Variants in TOX observed in about 807,000 individuals in gnomAD.
TOX encodes thymocyte selection-associated high mobility group box protein TOX.
Under a neutral mutation model 53.7 loss-of-function variants are expected in TOX, and 11 were observed. The ratio of observed to expected loss-of-function variants is 0.20; its 90% CI spans 0.13 to 0.34. The LOEUF is 0.34. TOX is among the 10% of genes least tolerant of loss of function. TOX has a pLI of 1.00. For missense variants in TOX, 570 were observed against 664.6 expected, an observed-to-expected ratio of 0.86 and a Z score of 1.56; for synonymous variants, 225 against 245.3, an observed-to-expected ratio of 0.92 and a Z score of 0.77.
chr8:58,809,226 C>T (rs1810038486), intron 7 of TOX, among the ~76,000 whole-genome samples: 1 of 152,170 alleles, frequency 6.6e-6, no homozygotes, highest in South Asian at 2.1e-4. Flanking sequence ...TGATTTTTAA[C>T]CACTAAGAAA....
At chr8:58,903,565 G>A (rs138401166) in intron 3 of TOX, among the ~76,000 whole-genome samples, 1 of 152,284 alleles carries the variant, frequency 6.6e-6, no homozygotes, top group African/African-American at 2.4e-5. Flanking sequence ...ACTCAGTTGG[G>A]TGTTCCATCA....
chr8:58,866,349 GGATAAATTA>G (rs1811101602), intron 3 of TOX, among the ~76,000 whole-genome samples: 1 of 152,108 alleles, frequency 6.6e-6, no homozygotes. Context: ...ACACTAAAAA[GGATAAATTA>G]TTTTAGGATT....
At chr8:58,884,236 C>A (rs772865261) in intron 3 of TOX, among the ~76,000 whole-genome samples, 1 of 152,128 alleles carries the variant, frequency 6.6e-6, no homozygotes, top group Admixed American at 6.5e-5. Context: ...AAGCTGACAA[C>A]AATCCCTGGC....
At chr8:59,057,614 G>A (rs753812065) in intron 1 of TOX, among the ~76,000 whole-genome samples, 17 of 152,006 alleles carry the variant, frequency 1.1e-4, no homozygotes, top group South Asian at 2.1e-4. Flanking sequence ...TATTCTCTCC[G>A]CCCCCCGCCT....
At chr8:58,826,617 GAA>G (rs1810371696) in intron 6 of TOX, among the ~76,000 whole-genome samples, 1 of 152,208 alleles carries the variant, frequency 6.6e-6, no homozygotes, top group Non-Finnish European at 1.5e-5. Flanking sequence ...CAATATTTTA[GAA>G]ATGGCCCAGG....
chr8:59,096,407 A>G (rs1037738818), intron 1 of TOX, among the ~76,000 whole-genome samples: 4 of 152,210 alleles, frequency 2.6e-5, no homozygotes, highest in Admixed American at 6.5e-5. Context: ...CAGACAGTGC[A>G]TACCTCCAAA....
At position 59,107,052 on chromosome 8, in the gene TOX, G is replaced by T. The variant is rs75539497; in HGVS notation, c.102+11834C>A. ...ATCTTATAAAGCAGTTTGCTGGGGG[G>T]GGGGGGAACGTGACATTTCTAATTC... On this transcript the variant is annotated intron_variant, in intron 1 of 8. Transcript: ENST00000361421. Among the ~76,000 whole-genome samples, 7 of 133,936 alleles carry T rather than the reference G, an allele frequency of 5.2e-5. 1 individual carries two copies. The highest frequency in any genetic ancestry group is 2.6e-4 in the South Asian group (1 of 3,912). The allele number at this position is 133,936 out of a possible 152,430, so 87.9% of individuals were successfully genotyped here.
At chr8:59,094,139 T>C (rs544972256) in intron 1 of TOX, among the ~76,000 whole-genome samples, 1 of 152,184 alleles carries the variant, frequency 6.6e-6, no homozygotes, top group Non-Finnish European at 1.5e-5. Context: ...AGTATCAGTA[T>C]CTTTAATAAG....
Position 59,119,013 on chromosome 8 carries a change from T to G in TOX, c.-26A>C. ...TTCACTCTCACATCAAGCAACTCCT[T>G]TTCTTTTTCCTTTTTTAAAAAAAAG... On this transcript the variant is annotated 5_prime_UTR_variant, in exon 1 of 9. Transcript: ENST00000361421. The G allele has an allele frequency of 6.6e-7, 1 of 1,519,638 alleles. No individual in the cohort carries two copies. The highest frequency in any genetic ancestry group is 1.1e-5 in the South Asian group (1 of 88,402). The allele number at this position is 1,519,638 out of a possible 1,614,324, so 94.1% of individuals were successfully genotyped here. A position where few individuals can be genotyped will look rare whatever the true frequency, so the allele number is the denominator to read the frequency against.
At chr8:58,938,065 A>C (rs1402850673) in intron 3 of TOX, among the ~76,000 whole-genome samples, 2 of 15,194 alleles carry the variant, frequency 1.3e-4, no homozygotes, top group African/African-American at 1.4e-3. Context: ...GCTGCCAATG[A>C]GTCTCCCCTC....
chr8:58,954,756 C>A (rs933279977), intron 2 of TOX, among the ~76,000 whole-genome samples: 1 of 152,144 alleles, frequency 6.6e-6, no homozygotes, highest in Non-Finnish European at 1.5e-5. Flanking sequence ...TCTCTGGACT[C>A]AAGAGTTAGG....
chr8:59,000,178 T>C (rs380013), intron 1 of TOX, among the ~76,000 whole-genome samples: 76,293 of 151,886 alleles, frequency 0.5, 21,291 homozygotes, highest in Non-Finnish European at 0.61. Flanking sequence ...TTGGAGGAAA[T>C]AAAAAGAATA....
chr8:59,014,598 C>T (rs1449066160), intron 1 of TOX, among the ~76,000 whole-genome samples: 2 of 152,186 alleles, frequency 1.3e-5, no homozygotes, highest in African/African-American at 4.8e-5. Context: ...GAAAAATATA[C>T]TGAGGAAAAT....
intron 3 of TOX, among the ~76,000 whole-genome samples, chr8:58,930,161 A>G (rs1812235580): frequency 6.6e-6 from 1 of 152,230 alleles, no homozygotes; most frequent in Non-Finnish European, 1.5e-5. Flanking sequence ...AAACTGGAAT[A>G]TTTGTATCAT....
chr8:58,837,167 G>C (rs879931384), intron 5 of TOX, among the ~76,000 whole-genome samples: 2 of 152,074 alleles, frequency 1.3e-5, no homozygotes, highest in Non-Finnish European at 2.9e-5. Flanking sequence ...GACATAATGA[G>C]GAAAGATTGG....
chr8:58,832,425 CAT>C (rs1184962719), intron 5 of TOX, among the ~76,000 whole-genome samples: 2 of 151,984 alleles, frequency 1.3e-5, no homozygotes, highest in East Asian at 1.9e-4. Context: ...AAGATAAACA[CAT>C]GTGTGAATGT....
Position 59,118,859 on chromosome 8 carries a change from C to T in TOX, c.102+27G>A. On this transcript the variant is annotated intron_variant, in intron 1 of 8. Coordinates refer to ENST00000361421, the MANE Select transcript of TOX (RefSeq NM_014729.3). The surrounding 1 kb of genome is among the most constrained non-coding windows in gnomAD (Gnocchi z 4.1). Reference sequence around the variant, plus strand: ...CTCCCAGGATCAAGCAGCAAGAACACGGTGGAAACAAAAGCAGAGCGTTCA... The same window carrying T: ...CTCCCAGGATCAAGCAGCAAGAACATGGTGGAAACAAAAGCAGAGCGTTCA... The T allele has an allele frequency of 2.6e-6, 4 of 1,536,330 alleles. No homozygotes were observed. Among genetic ancestry groups the T allele is most frequent in the Non-Finnish European group, 3.5e-6 (4 of 1,129,068 alleles).
chr8:58,818,402 T>A (rs1810216359), intron 6 of TOX, among the ~76,000 whole-genome samples: 1 of 152,182 alleles, frequency 6.6e-6, no homozygotes, highest in African/African-American at 2.4e-5. Flanking sequence ...AATCATTGAC[T>A]GTGACAACAG....
chr8:58,911,000 A>C (rs1034595166), intron 3 of TOX, among the ~76,000 whole-genome samples: 2 of 152,186 alleles, frequency 1.3e-5, no homozygotes, highest in Admixed American at 1.3e-4. Context: ...ATTTAATTTA[A>C]ATATAGGATT....
Sources: gnomAD v4.1 joint callset for allele counts (sites outside exome capture counted in the v4.1 genomes callset) on GRCh38, gnomAD v4.1.1 for gene constraint, Gnocchi (gnomAD v3.1) non-coding constraint, MANE v1.5 for transcripts, NCBI Gene and HGNC (gene_info 2026-07-23, HGNC 2026-07-21) for gene names.